GCFC2: variants seen among roughly 807,000 people sequenced by gnomAD.
GCFC2 encodes GC-rich sequence DNA-binding factor 2.
A neutral mutation model predicts 99.4 loss-of-function variants in GCFC2; 102 were observed. The ratio of observed to expected loss-of-function variants is 1.03; its 90% confidence interval spans 0.87 to 1.21. The LOEUF (loss-of-function observed/expected upper bound fraction) is 1.21. Ranked by LOEUF, GCFC2 falls within the 50% of genes most tolerant of loss-of-function variation. The pLI, the probability that GCFC2 is intolerant of heterozygous loss-of-function variation, is 0.00. For synonymous variants in GCFC2, 338 were observed against 316.8 expected (o/e 1.07, Z -0.71); for missense variants, 973 against 920.9 (o/e 1.06, Z -0.73).
chr2:75,700,797 T>G (rs1680550927), intron 4 of GCFC2, among the ~76,000 whole-genome samples: 1 of 152,102 alleles, frequency 6.6e-6, no homozygotes, highest in Non-Finnish European at 1.5e-5. Context: ...ATGACCTTAT[T>G]TGGAAAAAGA....
chr2:75,690,384 A>T, intron 8 of GCFC2: 1 of 504,704 alleles, frequency 2.0e-6, no homozygotes, highest in Non-Finnish European at 3.4e-6. Context: ...TATAATTAGG[A>T]CCGGTTTCTA....
At chr2:75,681,891 C>T (rs1467647949) in intron 11 of GCFC2, among the ~76,000 whole-genome samples, 1 of 151,926 alleles carries the variant, frequency 6.6e-6, no homozygotes, top group Admixed American at 6.5e-5. Flanking sequence ...GACTGCCTCT[C>T]TAGACTCCTC....
At chr2:75,710,532 C>T in intron 1 of GCFC2, 59 bp downstream of exon 1, 1 of 1,433,924 alleles carries the variant, frequency 7.0e-7, no homozygotes, top group Non-Finnish European at 9.1e-7. Flanking sequence ...CCAGAGACCC[C>T]GCGGCCCCTT....
At chr2:75,686,931 GA>G (rs1413873634) in intron 11 of GCFC2, among the ~76,000 whole-genome samples, 1 of 130,044 alleles carries the variant, frequency 7.7e-6, no homozygotes, top group Non-Finnish European at 1.6e-5. Flanking sequence ...TGAGTGAAAT[GA>G]AGCAATTTTT....
At chr2:75,670,468 C>A in intron 14 of GCFC2, 184 bp from the exon 15 acceptor site, 1 of 463,570 alleles carries the variant, frequency 2.2e-6, no homozygotes, top group Non-Finnish European at 3.9e-6. Flanking sequence ...CATGTATTTG[C>A]TCATCTTATT....
Position 75,696,293 on chromosome 2 carries a change from C to T in GCFC2, c.740G>A (p.Cys247Tyr), listed in dbSNP as rs780549625. 8 of 1,385,966 alleles carry T rather than the reference C, an allele frequency of 5.8e-6. No homozygotes were observed. In the East Asian group the frequency reaches 9.2e-5, roughly 16 times the overall value. The allele number at this position is 1,385,966 out of a possible 1,614,324, so 85.9% of individuals were successfully genotyped here. The part of the protein sequence containing the change: ...IIEERDIDLS[C>Y]GNGSSKVKKF... ...CTTCACTTTTGAAGATCCATTGCCACAGGAAAGATCTATGTCTCTTTCCTA... is the reference window on the plus strand; with the variant it reads ...CTTCACTTTTGAAGATCCATTGCCATAGGAAAGATCTATGTCTCTTTCCTA... The change falls in exon 5 of 17, where the codon TGT (cysteine) becomes TAT (tyrosine). Residue 247 changes from cysteine to tyrosine, a missense_variant. Physicochemically the swap from Cys to Tyr is radical, Grantham distance 194 (BLOSUM62 -2). Transcript: ENST00000321027.
Position 75,690,670 on chromosome 2 carries a change from A to G in GCFC2, c.1194T>C (p.Thr398=), listed in dbSNP as rs765896646. ...ATTCAATCTCTTCTAAAATCCACTG[A>G]GTTTTTTCATCTACTGAGAAGTTTC... ...TSGNFSVDEK[T]QWILEEIESR... Residue 398 remains threonine (T), a synonymous_variant, in exon 8 of 17, where the codon ACT becomes ACC. Coordinates refer to ENST00000321027, the MANE Select transcript of GCFC2 (RefSeq NM_003203.5). 4 of 1,562,666 alleles carry G rather than the reference A, an allele frequency of 2.6e-6. No individual in the cohort carries two copies. In the Admixed American group the frequency reaches 6.9e-5, roughly 27 times the overall value.
intron 4 of GCFC2, among the ~76,000 whole-genome samples, chr2:75,700,492 G>C (rs917879674): frequency 5.3e-5 from 8 of 152,154 alleles, no homozygotes; most frequent in East Asian, 1.9e-4. Context: ...ATTGCGGTGA[G>C]ATGTCTCTGT....
intron 3 of GCFC2, 87 bp downstream of exon 3, chr2:75,702,112 C>A (rs3088180): frequency 0.42 from 637,968 of 1,517,722 alleles, 139,030 homozygotes; most frequent in African/African-American, 0.74. Context: ...AAAATGTGAG[C>A]CAGCATATTA....
Position 75,687,966 on chromosome 2 carries a change from T to C in GCFC2, c.1551A>G (p.Thr517=). ...TGAACCATGGCATCTCTTTTAAACC[T>C]GTGGATTCCAACTTACAAAGAAAAT... The part of the protein sequence containing the change: ...IDWNPLKLES[T]GLKEMPWFKS... The change falls in exon 11 of 17, where the codon ACA becomes ACG. Residue 517 remains threonine, a synonymous_variant. Coordinates refer to ENST00000321027, the MANE Select transcript of GCFC2 (RefSeq NM_003203.5). 6.4e-7 allele frequency: 1 copy of C among 1,562,824 alleles called. No homozygotes were observed.
At chr2:75,691,906 A>C in intron 7 of GCFC2, 71 bp downstream of exon 7, 3 of 822,918 alleles carry the variant, frequency 3.6e-6, no homozygotes, top group Non-Finnish European at 5.0e-6. Flanking sequence ...TATAAAAATA[A>C]AAATATTTTT....
intron 4 of GCFC2, among the ~76,000 whole-genome samples, chr2:75,699,441 G>A (rs1050966917): frequency 2.6e-5 from 4 of 152,294 alleles, no homozygotes; most frequent in Admixed American, 2.6e-4. Flanking sequence ...CACTATGATT[G>A]CAATTCTTGA....
intron 2 of GCFC2, among the ~76,000 whole-genome samples, chr2:75,703,750 C>T (rs886755826): frequency 6.6e-6 from 1 of 152,112 alleles, no homozygotes; most frequent in Non-Finnish European, 1.5e-5. Flanking sequence ...GGCCTCTATA[C>T]CAGTGATTCA....
chr2:75,702,365 C>T lies in GCFC2; in HGVS notation c.453G>A (p.Arg151=), dbSNP rs770469358. 6.2e-7 allele frequency: 1 copy of T among 1,611,850 alleles called. No individual in the cohort carries two copies. Among genetic ancestry groups the T allele is most frequent in the Non-Finnish European group, 8.5e-7 (1 of 1,177,984 alleles). The change falls in exon 3 of 17, where the codon AGG becomes AGA. Residue 151 remains arginine, a synonymous_variant. Transcript: ENST00000321027. ...CCAAAGAAATATAGTCATCTTGGGC[C>T]CTGGCCAATTCACGTTTTCTGCGGG... is the stretch of plus-strand genomic sequence containing the variant. The part of the protein sequence containing the change: ...QAARRKRELA[R]AQDDYISLDV...
At chr2:75,712,669 G>C (rs1681237260), upstream of GCFC2, among the ~76,000 whole-genome samples, 1 of 152,090 alleles carries the variant, frequency 6.6e-6, no homozygotes, top group African/African-American at 2.4e-5. Context: ...GCTTTTATGA[G>C]CTGTAACACT....
intron 16 of GCFC2, 96 bp downstream of exon 16, chr2:75,665,833 A>G (rs1422587257): frequency 1.2e-5 from 9 of 749,116 alleles, no homozygotes; most frequent in Non-Finnish European, 1.8e-5. Context: ...CAAATTTTTA[A>G]AAGTACAGTA....
intron 4 of GCFC2, among the ~76,000 whole-genome samples, chr2:75,698,743 G>C (rs562127880): frequency 6.6e-6 from 1 of 152,256 alleles, no homozygotes; most frequent in East Asian, 1.9e-4. Context: ...CAGACACAGT[G>C]GCTCATACCT....
chr2:75,663,392 GATTAA>G lies in GCFC2; in HGVS notation c.*1269_*1273del, dbSNP rs1678697686. The stretch of plus-strand genomic sequence containing the variant: ...TTGGAAAATTTTCTTAATTTCTTTT[GATTAA>G]ATTATCTTGCCTCTGTTTTATTAGA... On this transcript the variant is annotated 3_prime_UTR_variant, in exon 17 of 17. Transcript: ENST00000321027. The G allele has an allele frequency of 6.6e-6, 1 of 151,942 alleles. No individual in the cohort carries two copies. The highest frequency in any genetic ancestry group is 2.4e-5 in the African/African-American group (1 of 41,346). The allele number at this position is 151,942 out of a possible 1,614,324, so 9.4% of individuals were successfully genotyped here. A position where few individuals can be genotyped will look rare whatever the true frequency, so the allele number is the denominator to read the frequency against.
chr2:75,665,170 G>A, intron 16 of GCFC2, among the ~76,000 whole-genome samples: 1 of 151,156 alleles, frequency 6.6e-6, no homozygotes, highest in African/African-American at 2.4e-5. Flanking sequence ...TTTTTTAAAG[G>A]GACTTGGTCT....
Sources: gnomAD v4.1 joint callset for allele counts (sites outside exome capture counted in the v4.1 genomes callset) on GRCh38, gnomAD v4.1.1 for gene constraint, MANE v1.5 for transcripts, NCBI Gene and HGNC (gene_info 2026-07-23, HGNC 2026-07-21) for gene names.